The following TXK variants were observed in gnomAD, a reference collection of about 807,000 sequenced individuals.
The protein encoded by TXK is tyrosine-protein kinase TXK.
TXK carries 60 observed loss-of-function variants against 81.0 expected under a neutral mutation model. The observed-to-expected ratio is 0.74, with a 90% CI of 0.60 to 0.92. The LOEUF is 0.92. Ranked by LOEUF, TXK falls within the 40% of genes least tolerant of loss-of-function variation. The pLI, the probability that TXK is intolerant of heterozygous loss-of-function variation, is 0.00. For missense variants in TXK, 581 were observed against 638.3 expected, an observed-to-expected ratio of 0.91 and a Z score of 0.97; for synonymous variants, 203 against 210.7, an observed-to-expected ratio of 0.96 and a Z score of 0.32.
intron 12 of TXK, 99 bp from the exon 13 acceptor site, chr4:48,074,152 A>C: frequency 1.1e-6 from 1 of 883,578 alleles, no homozygotes; most frequent in Non-Finnish European, 1.8e-6. Context: ...AAGACAAAGT[A>C]TTTTACCCCA....
intron 12 of TXK, among the ~76,000 whole-genome samples, chr4:48,074,708 T>C (rs941534064): frequency 4.6e-5 from 7 of 152,218 alleles, no homozygotes; most frequent in South Asian, 2.1e-4. Flanking sequence ...GAGACAAAAA[T>C]AAACTTGTGC....
intron 6 of TXK, among the ~76,000 whole-genome samples, chr4:48,101,101 T>C (rs1024979874): frequency 3.3e-5 from 5 of 152,054 alleles, no homozygotes; most frequent in Non-Finnish European, 7.4e-5. Flanking sequence ...AAGAAAACTT[T>C]CCAAAATCTT....
intron 3 of TXK, 83 bp downstream of exon 3, chr4:48,113,124 G>T: frequency 5.5e-6 from 5 of 902,616 alleles, no homozygotes; most frequent in South Asian, 1.7e-5. Context: ...CTAGATTCTG[G>T]GCAACAAACA....
At chr4:48,100,171 C>CAA (rs11341305) in intron 6 of TXK, among the ~76,000 whole-genome samples, 1,844 of 53,774 alleles carry the variant, frequency 0.034, 154 homozygotes, top group African/African-American at 0.12. Context: ...GACTCCATCT[C>CAA]AAAAAAAAAA....
chr4:48,075,059 G>C (rs1717012758), intron 12 of TXK, among the ~76,000 whole-genome samples: 1 of 151,952 alleles, frequency 6.6e-6, no homozygotes, highest in Admixed American at 6.6e-5. Flanking sequence ...GCTTTGGGGG[G>C]ATCTTTTTCC....
chr4:48,120,547 T>C (rs1412143274), intron 1 of TXK, among the ~76,000 whole-genome samples: 1 of 151,714 alleles, frequency 6.6e-6, no homozygotes, highest in Non-Finnish European at 1.5e-5. Flanking sequence ...CTGGAGTGCA[T>C]TGGTGCCATC....
intron 14 of TXK, among the ~76,000 whole-genome samples, chr4:48,068,937 G>A (rs925365104): frequency 6.6e-5 from 10 of 152,198 alleles, no homozygotes; most frequent in African/African-American, 2.2e-4. Flanking sequence ...CTGTTTCTGC[G>A]CATGAATCCT....
chr4:48,113,207 T>C lies in TXK; in HGVS notation c.174A>G (p.Gln58=), dbSNP rs1339495572. The C allele has an allele frequency of 3.7e-6, 6 of 1,611,388 alleles. No individual in the cohort carries two copies. In the South Asian group the frequency reaches 6.6e-5, roughly 18 times the overall value. Residue 58 remains glutamine (Q), a splice_region_variant and synonymous_variant, in exon 3 of 15, where the codon CAA becomes CAG. Coordinates refer to ENST00000264316, the MANE Select transcript of TXK (RefSeq NM_003328.3). ...TCTTGCCTGTCAAAATGATACTTACTTGCTTCTTATTTGACAATTGGCTGA... is the reference window on the plus strand; with the variant it reads ...TCTTGCCTGTCAAAATGATACTTACCTGCTTCTTATTTGACAATTGGCTGA... ...PWLSQLSNKK[Q]SNTGRVQPSK... is the part of the protein sequence containing the mutation.
chr4:48,110,691 T>A, intron 4 of TXK, 88 bp from the exon 5 acceptor site: 1 of 940,668 alleles, frequency 1.1e-6, no homozygotes, highest in Non-Finnish European at 1.7e-6. Context: ...CTCAAGGATG[T>A]AGGGGGGAAA....
chr4:48,102,501 A>G (rs960294551), intron 6 of TXK, among the ~76,000 whole-genome samples: 2 of 152,252 alleles, frequency 1.3e-5, no homozygotes, highest in African/African-American at 4.8e-5. Flanking sequence ...ACCTGCTGGC[A>G]AGAATGTTGG....
intron 6 of TXK, among the ~76,000 whole-genome samples, chr4:48,101,179 C>A (rs919170464): frequency 6.6e-6 from 1 of 151,864 alleles, no homozygotes; most frequent in African/African-American, 2.4e-5. Context: ...TAGGATATTG[C>A]CATGAATTGT....
At chr4:48,118,256 C>T (rs913019223) in intron 1 of TXK, among the ~76,000 whole-genome samples, 2 of 152,196 alleles carry the variant, frequency 1.3e-5, no homozygotes, top group Admixed American at 1.3e-4. Flanking sequence ...AGTACAATGG[C>T]TATTTCCTGT....
chr4:48,108,554 C>T (rs747798053), intron 5 of TXK, among the ~76,000 whole-genome samples: 37 of 152,076 alleles, frequency 2.4e-4, no homozygotes, highest in Non-Finnish European at 4.3e-4. Flanking sequence ...CAGTAACTTT[C>T]GTACAGTCAT....
chr4:48,101,662 T>A (rs557075172), intron 6 of TXK, among the ~76,000 whole-genome samples: 65 of 151,998 alleles, frequency 4.3e-4, no homozygotes, highest in African/African-American at 1.5e-3. Flanking sequence ...ATATTTTAAA[T>A]ATCCCATGCT....
intron 1 of TXK, among the ~76,000 whole-genome samples, chr4:48,130,287 C>T (rs1719217907): frequency 6.6e-6 from 1 of 152,190 alleles, no homozygotes; most frequent in African/African-American, 2.4e-5. Flanking sequence ...ACTTATCTCA[C>T]ACTTTTGTGG....
At chr4:48,069,488 G>A (rs1352035244) in intron 14 of TXK, among the ~76,000 whole-genome samples, 1 of 151,784 alleles carries the variant, frequency 6.6e-6, no homozygotes, top group Non-Finnish European at 1.5e-5. Flanking sequence ...ACCATGCCCA[G>A]CTAATTTTTT....
intron 1 of TXK, among the ~76,000 whole-genome samples, chr4:48,129,192 T>C (rs1345444927): frequency 6.6e-6 from 1 of 152,218 alleles, no homozygotes; most frequent in African/African-American, 2.4e-5. Flanking sequence ...TCTGAAGTGA[T>C]CCTGTGTCTG....
rs757069849 is a variant in TXK at position 48,079,974 on chromosome 4, A to G, written c.1111T>C (p.Cys371Arg). The G allele has an allele frequency of 1.2e-6, 2 of 1,613,954 alleles. No homozygotes were observed. Among genetic ancestry groups the G allele is most frequent in the South Asian group, 2.2e-5 (2 of 91,074 alleles). The change falls in exon 11 of 15, where the codon TGC (cysteine) becomes CGC (arginine). Residue 371 changes from cysteine to arginine, a missense_variant. Coordinates refer to ENST00000264316, the MANE Select transcript of TXK (RefSeq NM_003328.3). ...KLRKEMLLSV[C>R]QDICEGMEYL... Reference sequence around the variant, plus strand: ...TCCATTCCTTCACATATATCCTGGCATACACTCAGTAGCATTTCCTTCCTA... The same window carrying G: ...TCCATTCCTTCACATATATCCTGGCGTACACTCAGTAGCATTTCCTTCCTA...
chr4:48,112,202 C>T, intron 4 of TXK, 105 bp downstream of exon 4: 2 of 1,059,494 alleles, frequency 1.9e-6, no homozygotes, highest in Non-Finnish European at 2.8e-6. Flanking sequence ...GGAGAGGGGA[C>T]AGATTCCATT....
Sources: gnomAD v4.1 joint callset for allele counts (sites outside exome capture counted in the v4.1 genomes callset) on GRCh38, gnomAD v4.1.1 for gene constraint, MANE v1.5 for transcripts, NCBI Gene and HGNC (gene_info 2026-07-23, HGNC 2026-07-21) for gene names.